Variants in SLC4A5 observed in about 807,000 individuals in gnomAD.
SLC4A5 encodes the protein solute carrier family 4 member 5.
Under a neutral mutation model 120.4 loss-of-function variants are expected in SLC4A5, and 96 were observed. The ratio of observed to expected loss-of-function variants is 0.80; its 90% CI spans 0.68 to 0.94. The LOEUF is 0.94. SLC4A5 is among the 40% of genes least tolerant of loss of function. The pLI, the probability that SLC4A5 is intolerant of heterozygous loss-of-function variation, is 0.00. For synonymous variants in SLC4A5, 550 were observed against 571.1 expected (o/e 0.96, Z 0.53); for missense variants, 1,259 against 1,459.5 (o/e 0.86, Z 2.24).
chr2:74,295,294 C>A (rs1180842032), intron 7 of SLC4A5, among the ~76,000 whole-genome samples: 3 of 152,030 alleles, frequency 2.0e-5, no homozygotes, highest in Middle Eastern at 3.4e-3. Context: ...CCTTCAGTGG[C>A]CAGAGGATTT....
chr2:74,334,729 ACTT>A (rs892586698), intron 3 of SLC4A5, among the ~76,000 whole-genome samples: 6 of 151,264 alleles, frequency 4.0e-5, no homozygotes, highest in South Asian at 2.1e-4. Flanking sequence ...ATCTTGGACA[ACTT>A]CTTTTTTTTT....
At chr2:74,342,373 C>T (rs1673647808) in intron 2 of SLC4A5, 85 bp downstream of exon 2, 1 of 152,208 alleles carries the variant, frequency 6.6e-6, no homozygotes. Context: ...CAACAAGCCA[C>T]TCACTGAGTG....
intron 6 of SLC4A5, among the ~76,000 whole-genome samples, 182 bp downstream of exon 6, chr2:74,314,763 A>AC (rs1672910985): frequency 6.6e-6 from 1 of 152,166 alleles, no homozygotes; most frequent in Non-Finnish European, 1.5e-5. Context: ...CTCCAGCTTG[A>AC]CCATGCAGTC....
intron 5 of SLC4A5, among the ~76,000 whole-genome samples, chr2:74,327,358 A>G (rs1276243942): frequency 1.3e-5 from 2 of 152,172 alleles, no homozygotes; most frequent in East Asian, 3.8e-4. Context: ...GACTTCCCCA[A>G]GGGCTTATCT....
At chr2:74,316,950 T>C (rs1672984207) in intron 5 of SLC4A5, among the ~76,000 whole-genome samples, 1 of 152,230 alleles carries the variant, frequency 6.6e-6, no homozygotes, top group Non-Finnish European at 1.5e-5. Context: ...ATGCCTAATG[T>C]AATACATTTA....
intron 6 of SLC4A5, among the ~76,000 whole-genome samples, chr2:74,312,967 A>G (rs2421844): frequency 0.22 from 33,421 of 151,436 alleles, 5,305 homozygotes; most frequent in East Asian, 0.47. Context: ...GAGATCAGTG[A>G]ATTAATATCT....
In SLC4A5 at chr2:74,255,673, A is replaced by T; in HGVS notation, c.1025+102T>A. ...CCTTCCCAGCAGCCTCCACGTTTAG[A>T]GGTGCCTTTGAGAACACTAACAGTC... On this transcript the variant is annotated intron_variant, in intron 13 of 30. Transcript: ENST00000394019. This position sits in a 1 kb window ranked among gnomAD's most constrained non-coding sequence, Gnocchi z 4.0. The T allele has an allele frequency of 1.5e-6, 2 of 1,348,166 alleles. No homozygotes were observed. Among genetic ancestry groups the T allele is most frequent in the Non-Finnish European group, 2.0e-6 (2 of 975,758 alleles). The allele number at this position is 1,348,166 out of a possible 1,614,324, so 83.5% of individuals were successfully genotyped here. A position where few individuals can be genotyped will look rare whatever the true frequency, so the allele number is the denominator to read the frequency against.
intron 28 of SLC4A5, among the ~76,000 whole-genome samples, chr2:74,223,247 C>T (rs1694720561): frequency 6.6e-6 from 1 of 152,132 alleles, no homozygotes; most frequent in African/African-American, 2.4e-5. Flanking sequence ...CTTGTGATCC[C>T]CCCTGCCTCG....
intron 8 of SLC4A5, among the ~76,000 whole-genome samples, chr2:74,269,229 G>A (rs186445661): frequency 6.6e-5 from 10 of 151,464 alleles, no homozygotes; most frequent in East Asian, 3.9e-4. Flanking sequence ...TTTTTGAGAC[G>A]GAGTTTCACT....
chr2:74,331,511 C>G (rs1673366538), intron 4 of SLC4A5, among the ~76,000 whole-genome samples: 1 of 151,762 alleles, frequency 6.6e-6, no homozygotes, highest in South Asian at 2.1e-4. Flanking sequence ...TGCTATTATG[C>G]TGATAAATGT....
intron 5 of SLC4A5, among the ~76,000 whole-genome samples, chr2:74,321,795 C>T (rs1673105572): frequency 2.0e-5 from 3 of 151,688 alleles, no homozygotes; most frequent in African/African-American, 7.3e-5. Flanking sequence ...CCAGTAGTCA[C>T]CTTCCCTAGG....
In SLC4A5 at chr2:74,285,792, C is replaced by A; in HGVS notation, c.382G>T (p.Glu128Ter). Reference sequence around the variant, plus strand: ...CCTCACCTGGCTGACTCCTTCCACTCCATCTGGTCTCCGTCATGCTGCAGA... The same window carrying A: ...CCTCACCTGGCTGACTCCTTCCACTACATCTGGTCTCCGTCATGCTGCAGA... Residue 128 changes from glutamate (E) to a stop codon, truncating the protein, a stop_gained, in exon 8 of 31, where the codon GAG (glutamate) becomes TAG (stop). Transcript: ENST00000394019. LOFTEE classifies it high-confidence loss of function. 6.2e-7 allele frequency: 1 copy of A among 1,611,616 alleles called. No individual in the cohort carries two copies. The highest frequency in any genetic ancestry group is 1.1e-5 in the South Asian group (1 of 91,010).
At chr2:74,284,162 CTTTTTTTT>C (rs1182761794) in intron 8 of SLC4A5, among the ~76,000 whole-genome samples, 5 of 81,086 alleles carry the variant, frequency 6.2e-5, no homozygotes, top group Admixed American at 5.8e-4. Context: ...TTCCTTATTT[CTTTTTTTT>C]TTTTTTTTTT....
chr2:74,304,820 G>C lies in SLC4A5; in HGVS notation c.80-140C>G. 5.0e-6 allele frequency: 4 copies of C among 804,858 alleles called. No homozygotes were observed. The South Asian group carries it at 7.6e-5, about 15-fold the overall frequency. 49.9% of individuals were successfully genotyped at this position (804,858 alleles called of 1,614,324 possible). ...AGTGCCAGGATGGGGTCATTGCCCT[G>C]AGGCTTGGGTTTGACCAAGTTCCAT... On this transcript the variant is annotated intron_variant, in intron 6 of 30. Coordinates refer to ENST00000394019, the Ensembl canonical transcript of SLC4A5.
chr2:74,252,096 G>C, intron 16 of SLC4A5, 83 bp downstream of exon 16: 1 of 1,459,510 alleles, frequency 6.9e-7, no homozygotes. Context: ...TACAGACCAT[G>C]GTTGGGAAAA....
chr2:74,232,591 G>A (rs1177086995), exon 24 of SLC4A5: 1 of 1,613,886 alleles, frequency 6.2e-7, no homozygotes. Flanking sequence ...CCATAAAGGA[G>A]CACAAAGCCA....
intron 7 of SLC4A5, among the ~76,000 whole-genome samples, chr2:74,296,343 T>C (rs1558900620): frequency 6.6e-6 from 1 of 152,080 alleles, no homozygotes; most frequent in Non-Finnish European, 1.5e-5. Flanking sequence ...CTTTATCCTT[T>C]CTCCTTTTTC....
chr2:74,226,608 G>A (rs1213690989), intron 27 of SLC4A5, among the ~76,000 whole-genome samples: 2 of 152,026 alleles, frequency 1.3e-5, no homozygotes, highest in African/African-American at 4.8e-5. Flanking sequence ...TATTTAGTAC[G>A]CATCGACTTC....
chr2:74,234,195 T>C (rs1163187161), intron 22 of SLC4A5, among the ~76,000 whole-genome samples: 3 of 151,840 alleles, frequency 2.0e-5, no homozygotes, highest in Non-Finnish European at 2.9e-5. Context: ...TTTTTTGTTT[T>C]TGAGACAGAG....
Sources: allele counts gnomAD v4.1 joint callset (sites outside exome capture counted in the v4.1 genomes callset), GRCh38; gene constraint gnomAD v4.1.1; non-coding constraint Gnocchi (gnomAD v3.1); transcripts MANE v1.5; gene names NCBI Gene and HGNC (gene_info 2026-07-23, HGNC 2026-07-21).